Variants in SHOC1 observed in about 807,000 individuals in gnomAD.
SHOC1 encodes the protein protein shortage in chiasmata 1 ortholog.
SHOC1 carries 136 observed loss-of-function variants against 179.2 expected under a neutral mutation model. The observed-to-expected ratio is 0.76, with a 90% CI of 0.66 to 0.87. The LOEUF is 0.87. Ranked by LOEUF, SHOC1 falls within the 40% of genes least tolerant of loss-of-function variation. The pLI, the probability that SHOC1 is intolerant of heterozygous loss-of-function variation, is 0.00. For synonymous variants in SHOC1, 489 were observed against 586.6 expected, an observed-to-expected ratio of 0.83 and a Z score of 2.41; for missense variants, 1,538 against 1,700.8, an observed-to-expected ratio of 0.90 and a Z score of 1.68.
intron 5 of SHOC1, among the ~76,000 whole-genome samples, chr9:111,760,155 C>T (rs1835073406): frequency 2.0e-5 from 3 of 152,192 alleles, no homozygotes; most frequent in Admixed American, 2.0e-4. Context: ...CTATCTACAG[C>T]CTCATTCTGG....
At chr9:111,773,876 A>C (rs1342486122) in intron 5 of SHOC1, among the ~76,000 whole-genome samples, 2 of 152,116 alleles carry the variant, frequency 1.3e-5, no homozygotes, top group Non-Finnish European at 2.9e-5. Context: ...AAATCCCCAA[A>C]TATACTATGT....
intron 16 of SHOC1, among the ~76,000 whole-genome samples, chr9:111,717,015 C>G (rs1320394922): frequency 6.6e-6 from 1 of 152,142 alleles, no homozygotes; most frequent in Non-Finnish European, 1.5e-5. Flanking sequence ...TAATAGATTG[C>G]TAGCTCTACA....
intron 18 of SHOC1, among the ~76,000 whole-genome samples, chr9:111,709,262 A>C (rs1832420779): frequency 6.6e-6 from 1 of 152,248 alleles, no homozygotes; most frequent in Non-Finnish European, 1.5e-5. Context: ...GAATGGCTTG[A>C]ATCTGGGAGG....
chr9:111,746,591 C>G (rs992412555), intron 9 of SHOC1, among the ~76,000 whole-genome samples: 2 of 152,016 alleles, frequency 1.3e-5, no homozygotes, highest in African/African-American at 4.8e-5. Context: ...ATTGCTTGAG[C>G]CCAGGAATTT....
intron 7 of SHOC1, among the ~76,000 whole-genome samples, chr9:111,757,343 C>T (rs1834912733): frequency 6.6e-6 from 1 of 152,170 alleles, no homozygotes; most frequent in East Asian, 1.9e-4. Flanking sequence ...ACCTCGTGAT[C>T]TGCCCACCTC....
At chr9:111,720,007 C>T (rs1038480066) in intron 15 of SHOC1, among the ~76,000 whole-genome samples, 1 of 152,098 alleles carries the variant, frequency 6.6e-6, no homozygotes, top group Non-Finnish European at 1.5e-5. Flanking sequence ...ACTATAAACA[C>T]AAAACAGAAT....
chr9:111,747,418 T>A (rs550202636), intron 9 of SHOC1, among the ~76,000 whole-genome samples: 27 of 151,984 alleles, frequency 1.8e-4, no homozygotes, highest in Admixed American at 3.3e-4. Context: ...AATTCAAATT[T>A]AAAAAAAATG....
intron 5 of SHOC1, among the ~76,000 whole-genome samples, chr9:111,765,783 G>A (rs1455240336): frequency 1.3e-5 from 2 of 151,060 alleles, no homozygotes; most frequent in Admixed American, 6.6e-5. Flanking sequence ...GCACGATCTC[G>A]GCTCACTGCA....
chr9:111,691,835 G>T lies in SHOC1; in HGVS notation c.4142C>A (p.Thr1381Asn), dbSNP rs558479358. 5.6e-6 allele frequency: 9 copies of T among 1,613,594 alleles called. No individual in the cohort carries two copies. The East Asian group carries it at 2.0e-4, about 36-fold the overall frequency. The change falls in exon 27 of 28, where the codon ACT becomes AAT. Residue 1381 changes from threonine (T) to asparagine (N), a missense_variant. Physicochemically the swap from Thr to Asn is moderately conservative, Grantham distance 65. Coordinates refer to ENST00000682961, the MANE Select transcript of SHOC1 (RefSeq NM_001378211.1). ...CTGAGAGTACAATTTGTTACATGCA[G>T]TCTGCTGTGCACCATATTGTAAGTT... is the stretch of plus-strand genomic sequence containing the variant. ...PFNLQYGAQQ[T>N]ACNKLYSQKG...
chr9:111,756,623 T>A lies in SHOC1; in HGVS notation c.709-145A>T, dbSNP rs548520672. ...AAAATTGTTAAAGCTATATATACTT[T>A]AAAAAAACAGAAATGTAGCAGCTAA... On this transcript the variant is annotated intron_variant, in intron 7 of 27. Coordinates refer to ENST00000682961, the MANE Select transcript of SHOC1 (RefSeq NM_001378211.1). 13 of 650,344 alleles carry A rather than the reference T, an allele frequency of 2.0e-5. No homozygotes were observed. In the African/African-American group the frequency reaches 2.0e-4, roughly 10 times the overall value. The allele number at this position is 650,344 out of a possible 1,614,324, so 40.3% of individuals were successfully genotyped here. A position where few individuals can be genotyped will look rare whatever the true frequency, so the allele number is the denominator to read the frequency against.
chr9:111,693,822 C>T lies in SHOC1; in HGVS notation c.3442G>A (p.Glu1148Lys), dbSNP rs564781720. The change falls in exon 26 of 28, where the codon GAA becomes AAA. Residue 1148 changes from glutamate (E) to lysine (K), a missense_variant. Glu to Lys is a moderately conservative substitution (Grantham distance 56, BLOSUM62 1). Transcript: ENST00000682961. ...ACCTTTAACACTTTTTCTGGGACTT[C>T]AGGTAGGAGTTCCTGAAGTTGACAC... ...TLCQLQELLP[E>K]VPEKVLKHFC... The T allele has an allele frequency of 3.1e-6, 5 of 1,608,352 alleles. No individual in the cohort carries two copies. The East Asian group carries it at 1.1e-4, about 36-fold the overall frequency.
intron 4 of SHOC1, among the ~76,000 whole-genome samples, chr9:111,779,826 G>A (rs561016299): frequency 1.8e-4 from 27 of 152,288 alleles, no homozygotes; most frequent in South Asian, 4.1e-4. Flanking sequence ...GTACAGTAAA[G>A]TTTGAGAAGC....
chr9:111,715,613 C>T (rs1023420247), intron 16 of SHOC1, among the ~76,000 whole-genome samples: 1 of 152,094 alleles, frequency 6.6e-6, no homozygotes, highest in Admixed American at 6.6e-5. Context: ...TTCTCCAGGC[C>T]TAGCTCCTGC....
At chr9:111,742,482 G>C (rs1462755182) in intron 10 of SHOC1, among the ~76,000 whole-genome samples, 1 of 151,818 alleles carries the variant, frequency 6.6e-6, no homozygotes, top group Non-Finnish European at 1.5e-5. Flanking sequence ...TGTGTTTAGG[G>C]GTACTCGGGG....
intron 14 of SHOC1, among the ~76,000 whole-genome samples, 176 bp downstream of exon 14, chr9:111,723,616 G>A (rs917508017): frequency 6.6e-6 from 1 of 152,146 alleles, no homozygotes; most frequent in Admixed American, 6.5e-5. Context: ...GGGAGAGGCA[G>A]GGGTAGTGAA....
intron 5 of SHOC1, among the ~76,000 whole-genome samples, chr9:111,774,698 C>T (rs77118489): frequency 7.1e-6 from 1 of 141,080 alleles, no homozygotes; most frequent in Non-Finnish European, 1.6e-5. Context: ...CTCTCTCTCT[C>T]TATATATATA....
At chr9:111,749,745 G>T (rs1834482321) in intron 8 of SHOC1, among the ~76,000 whole-genome samples, 1 of 152,064 alleles carries the variant, frequency 6.6e-6, no homozygotes, top group African/African-American at 2.4e-5. Flanking sequence ...TCATCGTTCA[G>T]CTCCCACTTA....
In SHOC1 at chr9:111,727,670, G is replaced by A. The variant is rs1833360354; in HGVS notation, c.1797C>T (p.Thr599=). ...CACTGTTTGTGACTTCAGTCTTTGA[G>A]GTGCAAGTCTTATATTTATTTCGCA... ...IMLRNKYKTC[T]SKTEVTNSDE... Residue 599 remains threonine, a synonymous_variant, in exon 13 of 28, where the codon ACC becomes ACT. Transcript: ENST00000682961. 6.3e-7 allele frequency: 1 copy of A among 1,593,918 alleles called. No homozygotes were observed. The highest frequency in any genetic ancestry group is 1.4e-5 in the African/African-American group (1 of 73,668).
chr9:111,780,332 A>G (rs1835990871), intron 4 of SHOC1, among the ~76,000 whole-genome samples: 1 of 152,234 alleles, frequency 6.6e-6, no homozygotes, highest in African/African-American at 2.4e-5. Context: ...AGAGTAAATT[A>G]TTAAATTGCA....
Sources: allele counts gnomAD v4.1 joint callset (sites outside exome capture counted in the v4.1 genomes callset), GRCh38; gene constraint gnomAD v4.1.1; transcripts MANE v1.5; gene names NCBI Gene and HGNC (gene_info 2026-07-23, HGNC 2026-07-21).